The following MED23 variants were observed in gnomAD, a reference collection of about 807,000 sequenced individuals.
MED23 encodes mediator of RNA polymerase II transcription subunit 23.
Under a neutral mutation model 163.9 loss-of-function variants are expected in MED23, and 105 were observed. The observed-to-expected ratio is 0.64, with a 90% confidence interval of 0.55 to 0.75. The LOEUF (loss-of-function observed/expected upper bound fraction) is 0.75, where lower values mean the gene tolerates loss of function less well. Ranked by LOEUF, MED23 falls within the 30% of genes least tolerant of loss-of-function variation. The probability of loss-of-function intolerance (pLI) is 0.00; values close to 1 mark genes in which losing one functional copy is unlikely to be tolerated. For missense variants in MED23, 1,054 were observed against 1,649.0 expected (o/e 0.64, Z 6.25); for synonymous variants, 561 against 565.6 (o/e 0.99, Z 0.12).
intron 6 of MED23, 86 bp from the exon 7 acceptor site, chr6:131,620,815 T>C: frequency 1.3e-5 from 10 of 795,734 alleles, no homozygotes; most frequent in Non-Finnish European, 2.0e-5. Flanking sequence ...TTTTTTTTTT[T>C]TTTTGAGACA....
At chr6:131,596,435 G>C (rs1775053405) in intron 21 of MED23, 83 bp downstream of exon 21, 2 of 1,471,340 alleles carry the variant, frequency 1.4e-6, no homozygotes, top group South Asian at 2.3e-5. Flanking sequence ...ATTAGAACCA[G>C]AGAGAAAACG....
chr6:131,596,352 A>G (rs1775047705), intron 21 of MED23, 166 bp downstream of exon 21: 2 of 912,008 alleles, frequency 2.2e-6, no homozygotes, highest in South Asian at 3.1e-5. Flanking sequence ...TTTATTCTCA[A>G]CATTATAGAA....
Position 131,574,209 on chromosome 6 carries a change from G to C in MED23, c.*84C>G. ...ACAATGTATGAGTTGAAACTACTAA[G>C]GTTGATTTTCTCCAGGTTTCTCAGG... On this transcript the variant is annotated 3_prime_UTR_variant, in exon 31 of 31. Transcript: ENST00000354577. 6 of 1,505,258 alleles carry C rather than the reference G, an allele frequency of 4.0e-6. No homozygotes were observed. The South Asian group carries it at 6.8e-5, about 17-fold the overall frequency. The allele number at this position is 1,505,258 out of a possible 1,614,324, so 93.2% of individuals were successfully genotyped here.
chr6:131,600,455 T>G (rs1162133795), intron 17 of MED23, among the ~76,000 whole-genome samples: 1 of 152,214 alleles, frequency 6.6e-6, no homozygotes, highest in East Asian at 1.9e-4. Flanking sequence ...CCATCACTAC[T>G]GTTCATTTAC....
At chr6:131,597,119 G>T (rs1314729876) in intron 20 of MED23, among the ~76,000 whole-genome samples, 1 of 151,988 alleles carries the variant, frequency 6.6e-6, no homozygotes, top group Non-Finnish European at 1.5e-5. Context: ...CACTCCAAAT[G>T]TCACCGCCAT....
At chr6:131,624,808 T>G in intron 4 of MED23, 57 bp downstream of exon 4, 3 of 1,597,628 alleles carry the variant, frequency 1.9e-6, no homozygotes, top group Admixed American at 1.7e-5. Context: ...CTCAACCAAT[T>G]TCCAATCACA....
intron 15 of MED23, 34 bp from the exon 16 acceptor site, chr6:131,603,238 T>C: frequency 6.3e-7 from 1 of 1,598,016 alleles, no homozygotes; most frequent in South Asian, 1.1e-5. Context: ...GTACCAATTA[T>C]TAAAGGCTAT....
chr6:131,588,016 C>G (rs1164151789), intron 28 of MED23, among the ~76,000 whole-genome samples, 170 bp from the exon 29 acceptor site: 1 of 152,124 alleles, frequency 6.6e-6, no homozygotes, highest in Non-Finnish European at 1.5e-5. Flanking sequence ...ACAATGATTT[C>G]TTTCTTGCAT....
Position 131,593,083 on chromosome 6 carries a change from A to C in MED23, c.3321T>G (p.Val1107=). The part of the protein sequence containing the change: ...FPNPAAHALH[V]TCVELMALAV... ...CCAAGGCCATGAGCTCCACACAAGT[A>C]ACATGGAGAGCATGGGCAGCTGGGT... is the stretch of plus-strand genomic sequence containing the variant. The change falls in exon 24 of 29, where the codon GTT becomes GTG. Residue 1107 remains valine, a synonymous_variant. Coordinates refer to ENST00000368068, the MANE Select transcript of MED23 (RefSeq NM_004830.4). 2.5e-6 allele frequency: 4 copies of C among 1,614,218 alleles called. No homozygotes were observed. Among genetic ancestry groups the C allele is most frequent in the Non-Finnish European group, 3.4e-6 (4 of 1,180,026 alleles).
chr6:131,618,484 C>T lies in MED23; in HGVS notation c.703G>A (p.Gly235Ser). ...AGTTTCCATGAATTACAAATGGCAC[C>T]CGAATTATTTACAACTGGCAGAAGA... ...CSLLPVVNNS[G>S]AICNSWKLDP... Residue 235 changes from glycine (G) to serine (S), a missense_variant, in exon 9 of 29, where the codon GGT becomes AGT. This residue lies in a region of MED23 where 54 missense variants were observed against 79.7 expected (regional missense o/e 0.68). Transcript: ENST00000368068. 1 of 1,613,848 alleles carries T rather than the reference C, an allele frequency of 6.2e-7. No homozygotes were observed. The highest frequency in any genetic ancestry group is 8.5e-7 in the Non-Finnish European group (1 of 1,179,922).
chr6:131,591,201 A>G (rs1187232014), intron 26 of MED23, 112 bp downstream of exon 26: 4 of 789,698 alleles, frequency 5.1e-6, no homozygotes, highest in Non-Finnish European at 8.6e-6. Flanking sequence ...GATGGTCTCA[A>G]TCGCCTGACC....
chr6:131,574,185 C>A, exon 31 of MED23: 2 of 1,308,434 alleles, frequency 1.5e-6, no homozygotes, highest in South Asian at 1.2e-5. Context: ...TCAAACAAGA[C>A]AATGTATGAG....
At chr6:131,578,583 TATG>T (rs984159477) in intron 30 of MED23, among the ~76,000 whole-genome samples, 5 of 152,174 alleles carry the variant, frequency 3.3e-5, no homozygotes, top group African/African-American at 9.7e-5. Context: ...CTTATTTATT[TATG>T]ATAATACCAC....
In MED23 at chr6:131,589,468, C is replaced by T; in HGVS notation, c.3936G>A (p.Glu1312=). Residue 1312 remains glutamate (E), a synonymous_variant, in exon 28 of 29, where the codon GAG becomes GAA. Coordinates refer to ENST00000368068, the MANE Select transcript of MED23 (RefSeq NM_004830.4). ...TAATTAAACAAATTCAACTTACTTGCTCTTTCACGCTGTCACCAGTAAACA... is the reference window on the plus strand; with the variant it reads ...TAATTAAACAAATTCAACTTACTTGTTCTTTCACGCTGTCACCAGTAAACA... ...KYMFTGDSVK[E]QVEKIICNLK... 7 of 1,612,862 alleles carry T rather than the reference C, an allele frequency of 4.3e-6. No individual in the cohort carries two copies. Among genetic ancestry groups the T allele is most frequent in the South Asian group, 2.2e-5 (2 of 90,954 alleles).
chr6:131,599,015 T>C lies in MED23; in HGVS notation c.2221-254A>G, dbSNP rs955655665. Among the ~76,000 whole-genome samples, 3 of 152,300 alleles carry C rather than the reference T, an allele frequency of 2.0e-5. No individual in the cohort carries two copies. In the East Asian group the frequency reaches 5.8e-4, roughly 29 times the overall value. On this transcript the variant is annotated intron_variant, in intron 18 of 28. Coordinates refer to ENST00000368068, the MANE Select transcript of MED23 (RefSeq NM_004830.4). ...CCTGAATTCAAAGCTTCTTCAATCA[T>C]CTGTTGATACTTCCGCCAATCTTAA...
At chr6:131,592,291 C>A in intron 25 of MED23, 97 bp downstream of exon 25, 1 of 1,008,684 alleles carries the variant, frequency 9.9e-7, no homozygotes, top group South Asian at 1.3e-5. Context: ...CATGACGTCC[C>A]GTACAAGGGC....
In MED23 at chr6:131,598,496, C is replaced by T. The variant is rs1214465950; in HGVS notation, c.2427-29G>A. ...GAAGGCAGAGAGTAAAACATAAACTCCATTGTTGTATGGATACAACAATTT... is the reference window on the plus strand; with the variant it reads ...GAAGGCAGAGAGTAAAACATAAACTTCATTGTTGTATGGATACAACAATTT... On this transcript the variant is annotated intron_variant, in intron 19 of 28. Transcript: ENST00000368068. The surrounding 1 kb of genome is among the most constrained non-coding windows in gnomAD (Gnocchi z 4.7). 24 of 1,613,748 alleles carry T rather than the reference C, an allele frequency of 1.5e-5. No homozygotes were observed. Among genetic ancestry groups the T allele is most frequent in the Non-Finnish European group, 2.0e-5 (24 of 1,179,822 alleles).
rs1301467325 is a variant in MED23 at position 131,602,647 on chromosome 6, C to A, written c.1932-266G>T. The stretch of plus-strand genomic sequence containing the variant: ...AATTTCACCTGGAGATACTGCATTT[C>A]AAAAATTATATTTTTCTATCTAAAA... On this transcript the variant is annotated intron_variant, in intron 16 of 28. Coordinates refer to ENST00000368068, the MANE Select transcript of MED23 (RefSeq NM_004830.4). Among the ~76,000 whole-genome samples the A allele has an allele frequency of 2.0e-5, 3 of 151,996 alleles. No homozygotes were observed. In the East Asian group the frequency reaches 5.8e-4, roughly 29 times the overall value.
intron 5 of MED23, among the ~76,000 whole-genome samples, chr6:131,622,687 TAG>T: frequency 6.6e-6 from 1 of 152,366 alleles, no homozygotes; most frequent in East Asian, 1.9e-4. Flanking sequence ...AAAAGCTTCT[TAG>T]AGTTAACTGT....
Sources: gnomAD v4.1 joint callset for allele counts (sites outside exome capture counted in the v4.1 genomes callset) on GRCh38, gnomAD v4.1.1 for gene constraint, gnomAD v4.1.1 regional missense constraint, Gnocchi (gnomAD v3.1) non-coding constraint, MANE v1.5 for transcripts, NCBI Gene and HGNC (gene_info 2026-07-23, HGNC 2026-07-21) for gene names.